Variants in RBFOX1 observed in about 807,000 individuals in gnomAD.
The protein encoded by RBFOX1 is RNA binding fox-1 homolog 1, also known as RNA binding protein fox-1 homolog 1.
In RBFOX1, 8 loss-of-function variants were observed where a neutral mutation model predicts 57.7. The ratio of observed to expected loss-of-function variants is 0.14; its 90% CI spans 0.08 to 0.25. RBFOX1 has a LOEUF of 0.25. Among genes scored for constraint, RBFOX1 ranks in the 10% least tolerant of loss-of-function variants. The probability of loss-of-function intolerance (pLI) is 1.00; values close to 1 mark genes in which losing one functional copy is unlikely to be tolerated. For missense variants in RBFOX1, 611 were observed against 548.5 expected (o/e 1.11, Z -1.14); for synonymous variants, 326 against 222.4 (o/e 1.47, Z -4.15).
intron 1 of RBFOX1, among the ~76,000 whole-genome samples, chr16:5,453,260 G>A (rs780835534): frequency 1.1e-4 from 16 of 152,134 alleles, no homozygotes; most frequent in South Asian, 2.1e-4. Context: ...CACAGTCTAG[G>A]GAACAGACTG....
chr16:7,325,308 G>C (rs2096597125), intron 4 of RBFOX1, among the ~76,000 whole-genome samples: 1 of 152,204 alleles, frequency 6.6e-6, no homozygotes. Flanking sequence ...GGCACAGAGA[G>C]GTTAAGTGAT....
chr16:6,629,709 A>T (rs915090640), intron 2 of RBFOX1, among the ~76,000 whole-genome samples: 1 of 152,192 alleles, frequency 6.6e-6, no homozygotes. Flanking sequence ...CATTTGACAT[A>T]TAGGTGGATC....
intron 2 of RBFOX1, among the ~76,000 whole-genome samples, chr16:5,592,675 A>G (rs963408793): frequency 5.9e-5 from 9 of 152,184 alleles, no homozygotes; most frequent in Non-Finnish European, 1.3e-4. Flanking sequence ...TGGACCATGC[A>G]TTAAGGAGTT....
chr16:6,328,961 T>A (rs907206693), intron 2 of RBFOX1, among the ~76,000 whole-genome samples: 2 of 152,066 alleles, frequency 1.3e-5, no homozygotes, highest in African/African-American at 4.8e-5. Flanking sequence ...GATGTCTATG[T>A]GAAAGAAAGA....
chr16:5,861,634 A>G (rs1238046357), intron 3 of RBFOX1, among the ~76,000 whole-genome samples: 4 of 152,150 alleles, frequency 2.6e-5, no homozygotes, highest in Non-Finnish European at 4.4e-5. Flanking sequence ...AGCAGCCTTC[A>G]CCCATAGGAC....
At chr16:5,907,837 G>C (rs2058499668) in intron 4 of RBFOX1, among the ~76,000 whole-genome samples, 1 of 151,634 alleles carries the variant, frequency 6.6e-6, no homozygotes, top group South Asian at 2.1e-4. Flanking sequence ...TATAGCCTCT[G>C]CCTCCCAGGT....
At chr16:6,990,229 A>C (rs2091192800) in intron 3 of RBFOX1, among the ~76,000 whole-genome samples, 1 of 152,124 alleles carries the variant, frequency 6.6e-6, no homozygotes, top group Non-Finnish European at 1.5e-5. Flanking sequence ...CGCATTTTAA[A>C]AATTCTGATA....
intron 1 of RBFOX1, among the ~76,000 whole-genome samples, chr16:5,323,050 C>T (rs1011568653): frequency 6.6e-6 from 1 of 152,194 alleles, no homozygotes; most frequent in Non-Finnish European, 1.5e-5. Context: ...GTCATTCTGC[C>T]TCTCTGTGCC....
At chr16:6,086,301 C>T (rs561120734) in intron 1 of RBFOX1, among the ~76,000 whole-genome samples, 26 of 152,234 alleles carry the variant, frequency 1.7e-4, no homozygotes, top group African/African-American at 4.1e-4. Flanking sequence ...GTGCTTTCCC[C>T]GACTGTGTTA....
At chr16:6,543,330 G>C (rs747650757) in intron 2 of RBFOX1, among the ~76,000 whole-genome samples, 40 of 152,188 alleles carry the variant, frequency 2.6e-4, no homozygotes, top group Non-Finnish European at 4.6e-4. Context: ...CTTGTGACTT[G>C]ACACAATGGA....
At chr16:5,305,969 A>G (rs558640803) in intron 1 of RBFOX1, among the ~76,000 whole-genome samples, 1 of 152,272 alleles carries the variant, frequency 6.6e-6, no homozygotes, top group African/African-American at 2.4e-5. Context: ...AGGCAGCAGG[A>G]TTGCTTGAGT....
chr16:5,557,217 G>T (rs113736113), intron 2 of RBFOX1, among the ~76,000 whole-genome samples: 8 of 151,598 alleles, frequency 5.3e-5, no homozygotes, highest in African/African-American at 1.9e-4. Flanking sequence ...CCGGGATTGC[G>T]CCACTGCACT....
chr16:5,934,131 C>T (rs79601605), intron 4 of RBFOX1, among the ~76,000 whole-genome samples: 1,556 of 152,336 alleles, frequency 0.01, 17 homozygotes, highest in Non-Finnish European at 0.014. Flanking sequence ...TATGTGGACA[C>T]GGCATGGCAT....
intron 3 of RBFOX1, among the ~76,000 whole-genome samples, chr16:6,802,956 T>C (rs1218619924): frequency 1.3e-5 from 2 of 152,200 alleles, no homozygotes; most frequent in Admixed American, 1.3e-4. Flanking sequence ...GATGGCTTCT[T>C]CCACAACAAT....
intron 3 of RBFOX1, among the ~76,000 whole-genome samples, chr16:6,928,098 C>G (rs1328950954): frequency 1.3e-5 from 2 of 152,058 alleles, no homozygotes; most frequent in Admixed American, 6.6e-5. Flanking sequence ...TACTTTGGTT[C>G]CCTTCAGTCC....
At chr16:6,094,779 A>T (rs530655266) in intron 1 of RBFOX1, among the ~76,000 whole-genome samples, 50 of 152,226 alleles carry the variant, frequency 3.3e-4, no homozygotes, top group Middle Eastern at 6.8e-3. Context: ...TACCTATAGG[A>T]GGGGCTGGCC....
chr16:7,087,866 T>C (rs1375895275), intron 4 of RBFOX1, among the ~76,000 whole-genome samples: 17 of 152,146 alleles, frequency 1.1e-4, no homozygotes, highest in Admixed American at 1.1e-3. Flanking sequence ...TGTGGGTAGG[T>C]AGTGTCTCTT....
At chr16:7,236,138 C>G (rs1047025890) in intron 4 of RBFOX1, among the ~76,000 whole-genome samples, 1 of 152,152 alleles carries the variant, frequency 6.6e-6, no homozygotes, top group African/African-American at 2.4e-5. Flanking sequence ...GTGTCATATC[C>G]TGCTCACCTA....
At chr16:7,294,727 C>G (rs748608638) in intron 4 of RBFOX1, among the ~76,000 whole-genome samples, 1 of 151,926 alleles carries the variant, frequency 6.6e-6, no homozygotes, top group African/African-American at 2.4e-5. Context: ...TAGAGTAGTT[C>G]TTCACAAAAG....
Sources: gnomAD v4.1 joint callset for allele counts (sites outside exome capture counted in the v4.1 genomes callset) on GRCh38, gnomAD v4.1.1 for gene constraint, MANE v1.5 for transcripts, NCBI Gene and HGNC (gene_info 2026-07-23, HGNC 2026-07-21) for gene names.